Variants in KLHL42 observed in about 807,000 individuals in gnomAD.
The protein encoded by KLHL42 is kelch-like protein 42.
A neutral mutation model predicts 32.7 loss-of-function variants in KLHL42; 27 were observed. The observed-to-expected ratio is 0.83, with a 90% CI of 0.61 to 1.14. KLHL42 has a LOEUF of 1.14. Among genes scored for constraint, KLHL42 ranks in the 50% most tolerant of loss-of-function variants. The pLI is 0.00. For synonymous variants in KLHL42, 267 were observed against 248.2 expected (o/e 1.08, Z -0.71); for missense variants, 491 against 560.8 (o/e 0.88, Z 1.26).
Position 27,780,612 on chromosome 12 carries a change from G to C in KLHL42, c.282G>C (p.Glu94Asp), listed in dbSNP as rs1013451181. Reference sequence around the variant, plus strand: ...AGGGCGGCGGGGTGGACGAGGACGAGGAGATGGATGAGGTGAGCCTGCTGT... The same window carrying C: ...AGGGCGGCGGGGTGGACGAGGACGACGAGATGGATGAGGTGAGCCTGCTGT... ...GEKGGGVDED[E>D]EMDEVSLLSE... Residue 94 changes from glutamate (E) to aspartate (D), a missense_variant, in exon 1 of 3, where the codon GAG becomes GAC. Transcript: ENST00000381271. The surrounding 1 kb of genome is among the most constrained non-coding windows in gnomAD (Gnocchi z 8.8). The C allele has an allele frequency of 1.0e-5, 16 of 1,554,610 alleles. No homozygotes were observed. Among genetic ancestry groups the C allele is most frequent in the Admixed American group, 1.9e-5 (1 of 52,746 alleles).
In KLHL42 at chr12:27,783,793, A is replaced by C. The variant is rs1302896186; in HGVS notation, c.872+2591A>C. Among the ~76,000 whole-genome samples, 30 of 151,948 alleles carry C rather than the reference A, an allele frequency of 2.0e-4. No homozygotes were observed. The South Asian group carries it at 2.7e-3, about 14-fold the overall frequency. ...TAGAGACGGGGTTTCACTGTGTTAG[A>C]CAGGATGGTCTCGATCTCCTGACCT... is the stretch of plus-strand genomic sequence containing the variant. On this transcript the variant is annotated intron_variant, in intron 1 of 2. Transcript: ENST00000381271.
In KLHL42 at chr12:27,797,572, A is replaced by G. The variant is rs1237796140; in HGVS notation, c.1067-143A>G. 1.4e-5 allele frequency: 9 copies of G among 651,206 alleles called. No homozygotes were observed. In the East Asian group the frequency reaches 2.0e-4, roughly 14 times the overall value. The allele number at this position is 651,206 out of a possible 1,614,324, so 40.3% of individuals were successfully genotyped here. On this transcript the variant is annotated intron_variant, in intron 2 of 2. Coordinates refer to ENST00000381271, the MANE Select transcript of KLHL42 (RefSeq NM_020782.2). ...ATATCTCTTCCCAGCCACTTTGAAA[A>G]CTGTTTTTCTAACTTGTGCTTTTTC...
rs2062229706 is a variant in KLHL42 at position 27,798,439 on chromosome 12, T to G, written c.*273T>G. On this transcript the variant is annotated 3_prime_UTR_variant, in exon 3 of 3. Coordinates refer to ENST00000381271, the MANE Select transcript of KLHL42 (RefSeq NM_020782.2). Reference sequence around the variant, plus strand: ...ATACTCTTGGGCCAATGACGGATCATCAAAATGTAGATTCATTGTGTCTGT... The same window carrying G: ...ATACTCTTGGGCCAATGACGGATCAGCAAAATGTAGATTCATTGTGTCTGT... 5.2e-6 allele frequency: 2 copies of G among 383,266 alleles called. No homozygotes were observed. Among genetic ancestry groups the G allele is most frequent in the Non-Finnish European group, 9.5e-6 (2 of 211,640 alleles). The allele number at this position is 383,266 out of a possible 1,614,324, so 23.7% of individuals were successfully genotyped here. A position where few individuals can be genotyped will look rare whatever the true frequency, so the allele number is the denominator to read the frequency against.
Position 27,791,770 on chromosome 12 carries a change from C to G in KLHL42, c.935C>G (p.Ser312Cys), listed in dbSNP as rs754471915. ...TATGCCATCGGAGGGCAGGCCGTTT[C>G]TAACGTTGAGTGTTACAACCCCGAG... ...KLYAIGGQAV[S>C]NVECYNPEQD... is the part of the protein sequence containing the mutation. Residue 312 changes from serine to cysteine, a missense_variant, in exon 2 of 3, where the codon TCT becomes TGT. Ser to Cys is a moderately radical substitution (Grantham distance 112). Around this residue, in one of 4 missense-constraint regions of KLHL42, gnomAD observed 248 missense variants for 329.2 expected, o/e 0.75. Transcript: ENST00000381271. 2 of 1,614,124 alleles carry G rather than the reference C, an allele frequency of 1.2e-6. No homozygotes were observed. The highest frequency in any genetic ancestry group is 8.5e-7 in the Non-Finnish European group (1 of 1,180,038).
intron 1 of KLHL42, among the ~76,000 whole-genome samples, chr12:27,784,165 CGTTCTGTTGCCCAGGCTG>C (rs1439162041): frequency 1.1e-4 from 15 of 141,964 alleles, no homozygotes; most frequent in Non-Finnish European, 1.5e-5. Context: ...GACGGAGTCT[CGTTCTGTTGCCCAGGCTG>C]GAGTACAGTG....
chr12:27,790,331 G>A (rs2062191033), intron 1 of KLHL42, among the ~76,000 whole-genome samples: 2 of 152,224 alleles, frequency 1.3e-5, no homozygotes, highest in Non-Finnish European at 2.9e-5. Flanking sequence ...AGATGAGGAA[G>A]TGAGGTGGTT....
chr12:27,786,910 A>G (rs575600690), intron 1 of KLHL42, among the ~76,000 whole-genome samples: 59 of 151,426 alleles, frequency 3.9e-4, no homozygotes, highest in Middle Eastern at 3.4e-3. Context: ...TATTTTTAGT[A>G]GAGATGGGGT....
intron 1 of KLHL42, among the ~76,000 whole-genome samples, chr12:27,786,232 T>TA (rs1026178684): frequency 2.0e-5 from 3 of 152,060 alleles, no homozygotes; most frequent in Admixed American, 6.5e-5. Flanking sequence ...CCCCCTTCTT[T>TA]AAAAAAAATT....
chr12:27,784,653 T>C (rs1014513477), intron 1 of KLHL42, among the ~76,000 whole-genome samples: 4 of 152,118 alleles, frequency 2.6e-5, no homozygotes, highest in African/African-American at 7.2e-5. Flanking sequence ...AATAAATAAA[T>C]AGATTTTGGT....
At chr12:27,797,142 A>AAAC (rs1356215061) in intron 2 of KLHL42, 11 of 414,600 alleles carry the variant, frequency 2.7e-5, no homozygotes, top group Non-Finnish European at 5.2e-5. Flanking sequence ...AACAAAAAAA[A>AAAC]AACTGGAAAC....
chr12:27,781,152 C>G lies in KLHL42; in HGVS notation c.822C>G (p.Tyr274Ter). The G allele has an allele frequency of 1.2e-6, 2 of 1,614,098 alleles. No individual in the cohort carries two copies. The highest frequency in any genetic ancestry group is 1.7e-6 in the Non-Finnish European group (2 of 1,180,044). Reference sequence around the variant, plus strand: ...AGGAGATCTCCGCTGCGCATTCCTACAACCCCAGCACCAACGAGTGGCTCC... The same window carrying G: ...AGGAGATCTCCGCTGCGCATTCCTAGAACCCCAGCACCAACGAGTGGCTCC... Reference protein sequence around the residue: ...TSQEISAAHSYNPSTNEWLQV... With the variant: ...TSQEISAAHS The change falls in exon 1 of 3, where the codon TAC (tyrosine) becomes TAG (stop). Residue 274 changes from tyrosine to a stop codon, truncating the protein, a stop_gained. Coordinates refer to ENST00000381271, the MANE Select transcript of KLHL42 (RefSeq NM_020782.2). LOFTEE classifies it high-confidence loss of function.
In KLHL42 at chr12:27,800,167, G is replaced by A. The variant is rs747025691; in HGVS notation, c.*2001G>A. On this transcript the variant is annotated 3_prime_UTR_variant, in exon 3 of 3. Transcript: ENST00000381271. ...GTACTGGACAAACAGTTGGAGATTA[G>A]TTTGCAAATAAGCATATCATATCAA... The A allele has an allele frequency of 1.8e-5, 18 of 985,382 alleles. No homozygotes were observed. The East Asian group carries it at 1.9e-3, about 106-fold the overall frequency. The allele number at this position is 985,382 out of a possible 1,614,324, so 61.0% of individuals were successfully genotyped here.
intron 2 of KLHL42, 73 bp downstream of exon 2, chr12:27,791,974 C>A: frequency 1.6e-6 from 2 of 1,274,714 alleles, no homozygotes; most frequent in South Asian, 1.2e-5. Flanking sequence ...AAGAGGGTGT[C>A]AGAGGAAGCC....
chr12:27,788,737 C>A (rs1168950772), intron 1 of KLHL42, among the ~76,000 whole-genome samples: 1 of 152,064 alleles, frequency 6.6e-6, no homozygotes, highest in Non-Finnish European at 1.5e-5. Flanking sequence ...TTATAAGTGA[C>A]CTTGAAATTC....
chr12:27,792,147 T>G (rs982443614), intron 2 of KLHL42: 4 of 289,220 alleles, frequency 1.4e-5, no homozygotes, highest in Non-Finnish European at 2.6e-5. Context: ...GAAAAAAAAA[T>G]GTTATCTCTT....
chr12:27,800,285 T>C lies in KLHL42; in HGVS notation c.*2119T>C. The stretch of plus-strand genomic sequence containing the variant: ...TTGACAATTAGATTCTTGGACCAAG[T>C]GAGGGTGTACTCTGATCCACAAAGC... On this transcript the variant is annotated 3_prime_UTR_variant, in exon 3 of 3. Transcript: ENST00000381271. The C allele has an allele frequency of 1.0e-6, 1 of 985,346 alleles. No individual in the cohort carries two copies. The highest frequency in any genetic ancestry group is 1.2e-6 in the Non-Finnish European group (1 of 829,932). 61.0% of individuals were successfully genotyped at this position (985,346 alleles called of 1,614,324 possible). A position where few individuals can be genotyped will look rare whatever the true frequency, so the allele number is the denominator to read the frequency against.
chr12:27,796,089 AAAG>A (rs2062217146), intron 2 of KLHL42, among the ~76,000 whole-genome samples: 1 of 152,232 alleles, frequency 6.6e-6, no homozygotes, highest in East Asian at 1.9e-4. Flanking sequence ...CAGTAAAAAG[AAAG>A]AAGGAGAGGT....
At chr12:27,791,165 C>T (rs912916944) in intron 1 of KLHL42, among the ~76,000 whole-genome samples, 1 of 152,200 alleles carries the variant, frequency 6.6e-6, no homozygotes, top group Non-Finnish European at 1.5e-5. Context: ...CCCTTGGAGG[C>T]GGGAGGCAGG....
intron 2 of KLHL42, among the ~76,000 whole-genome samples, chr12:27,795,341 C>A (rs1180684199): frequency 1.3e-5 from 2 of 152,150 alleles, no homozygotes; most frequent in African/African-American, 4.8e-5. Context: ...CCTAGAAAAC[C>A]CTTCTTGTGT....
Sources: allele counts gnomAD v4.1 joint callset (sites outside exome capture counted in the v4.1 genomes callset), GRCh38; gene constraint gnomAD v4.1.1; regional missense constraint gnomAD v4.1.1; non-coding constraint Gnocchi (gnomAD v3.1); transcripts MANE v1.5; gene names NCBI Gene and HGNC (gene_info 2026-07-23, HGNC 2026-07-21).